Variants in ATPSCKMT observed in about 807,000 individuals in gnomAD.
ATPSCKMT encodes ATP synthase c subunit lysine N-methyltransferase.
ATPSCKMT carries 24 observed loss-of-function variants against 24.3 expected under a neutral mutation model. The ratio of observed to expected loss-of-function variants is 0.99; its 90% CI spans 0.71 to 1.39. The LOEUF (loss-of-function observed/expected upper bound fraction) is 1.39. Ranked by LOEUF, ATPSCKMT falls within the 40% of genes most tolerant of loss-of-function variation. ATPSCKMT has a pLI of 0.00. For synonymous variants in ATPSCKMT, 95 were observed against 110.5 expected (o/e 0.86, Z 0.88); for missense variants, 311 against 298.4 (o/e 1.04, Z -0.31).
intron 4 of ATPSCKMT, among the ~76,000 whole-genome samples, chr5:10,234,300 C>T (rs1363323046): frequency 6.6e-6 from 1 of 152,016 alleles, no homozygotes; most frequent in Non-Finnish European, 1.5e-5. Context: ...TGCACTCCAG[C>T]CTGGGCAACA....
chr5:10,229,907 G>C (rs145698457), intron 4 of ATPSCKMT, among the ~76,000 whole-genome samples: 1 of 152,200 alleles, frequency 6.6e-6, no homozygotes, highest in Non-Finnish European at 1.5e-5. Flanking sequence ...AATACTGTGA[G>C]CACTCCTTAC....
intron 1 of ATPSCKMT, 190 bp downstream of exon 1, chr5:10,249,668 C>T: frequency 2.2e-6 from 2 of 891,098 alleles, no homozygotes; most frequent in Non-Finnish European, 3.3e-6. Context: ...CGACAAGGAT[C>T]GCCAGAACCG....
chr5:10,225,896 A>G lies in ATPSCKMT; in HGVS notation c.*1545T>C, dbSNP rs1743857137. The stretch of plus-strand genomic sequence containing the variant: ...TGGATCCCCCTCCGAGTGTGCCCAG[A>G]CCAGTTACAGGACTGGTTACAGTGG... On this transcript the variant is annotated 3_prime_UTR_variant, in exon 5 of 5. Transcript: ENST00000511437. Among the ~76,000 whole-genome samples, 3 of 152,138 alleles carry G rather than the reference A, an allele frequency of 2.0e-5. No homozygotes were observed. Among genetic ancestry groups the G allele is most frequent in the Admixed American group, 1.3e-4 (2 of 15,272 alleles).
intron 3 of ATPSCKMT, 52 bp from the exon 4 acceptor site, chr5:10,235,313 G>A (rs1744327230): frequency 1.3e-6 from 2 of 1,503,974 alleles, no homozygotes; most frequent in African/African-American, 1.4e-5. Flanking sequence ...AGCCAAACGT[G>A]AAGCTTAACT....
rs375109728 is a variant in ATPSCKMT, at chr5:10,239,116, C to A, written c.257G>T (p.Arg86Leu). 2 of 1,614,194 alleles carry A rather than the reference C, an allele frequency of 1.2e-6. No homozygotes were observed. Among genetic ancestry groups the A allele is most frequent in the South Asian group, 1.1e-5 (1 of 91,090 alleles). ...GTCCACAAGGGATCCTCTTCGGCATCGCAACATTTTCACAACATTTTCAAT... is the reference window on the plus strand; with the variant it reads ...GTCCACAAGGGATCCTCTTCGGCATAGCAACATTTTCACAACATTTTCAAT... Reference protein sequence around the residue: ...KQIENVVKMLRCRRGSLVDIG... With the variant: ...KQIENVVKMLLCRRGSLVDIG... Residue 86 changes from arginine to leucine, a missense_variant, in exon 2 of 5, where the codon CGA becomes CTA. Transcript: ENST00000511437.
rs1743848974 is a variant in ATPSCKMT, at chr5:10,225,710, C to T, written c.*1731G>A. On this transcript the variant is annotated 3_prime_UTR_variant, in exon 5 of 5. Coordinates refer to ENST00000511437, the MANE Select transcript of ATPSCKMT (RefSeq NM_199133.4). ...TCAATCACCTCCCACCAGGTCCTTCCCACAACACGTGGGAATTCAAGATGA... is the reference window on the plus strand; with the variant it reads ...TCAATCACCTCCCACCAGGTCCTTCTCACAACACGTGGGAATTCAAGATGA... 6.6e-6 allele frequency among the ~76,000 whole-genome samples: 1 copy of T among 152,116 alleles called. No homozygotes were observed. Among genetic ancestry groups the T allele is most frequent in the Admixed American group, 6.6e-5 (1 of 15,256 alleles).
chr5:10,225,632 T>C lies in ATPSCKMT; in HGVS notation c.*1809A>G, dbSNP rs6864593. 0.4 allele frequency among the ~76,000 whole-genome samples: 60,661 copies of C among 151,806 alleles called. 13,226 individuals are homozygous for C. The highest frequency in any genetic ancestry group is 0.49 in the Non-Finnish European group (33,224 of 67,926). On this transcript the variant is annotated 3_prime_UTR_variant, in exon 5 of 5. Transcript: ENST00000511437. ...CCCCTAAAATAACCATCAGATCTCA[T>C]TAAACTTACTCACTATCATGAGAAC...
At chr5:10,248,894 G>C (rs1166862196) in intron 1 of ATPSCKMT, among the ~76,000 whole-genome samples, 2 of 152,144 alleles carry the variant, frequency 1.3e-5, no homozygotes, top group Non-Finnish European at 2.9e-5. Flanking sequence ...CATGATCTTG[G>C]AGGGCGGGGA....
chr5:10,229,387 T>C (rs1392403771), intron 4 of ATPSCKMT, among the ~76,000 whole-genome samples: 1 of 152,186 alleles, frequency 6.6e-6, no homozygotes, highest in Non-Finnish European at 1.5e-5. Context: ...TGTGTGGTCT[T>C]TGGCAACACC....
At chr5:10,240,182 C>T (rs1374597154) in intron 1 of ATPSCKMT, among the ~76,000 whole-genome samples, 3 of 150,926 alleles carry the variant, frequency 2.0e-5, no homozygotes, top group South Asian at 2.1e-4. Flanking sequence ...GACAGTGAGC[C>T]GAGATCGCAC....
chr5:10,245,751 A>G (rs1744889682), intron 1 of ATPSCKMT, among the ~76,000 whole-genome samples: 2 of 152,124 alleles, frequency 1.3e-5, no homozygotes, highest in South Asian at 2.1e-4. Context: ...CATTACAAAA[A>G]AAAAAAAAAA....
chr5:10,249,814 C>G (rs757530972), intron 1 of ATPSCKMT, 44 bp downstream of exon 1: 16 of 1,546,964 alleles, frequency 1.0e-5, no homozygotes, highest in Non-Finnish European at 1.4e-5. Flanking sequence ...CGCCCGCACC[C>G]CTTCTCATGC....
intron 4 of ATPSCKMT, among the ~76,000 whole-genome samples, chr5:10,232,306 G>A (rs181251278): frequency 6.6e-6 from 1 of 152,316 alleles, no homozygotes; most frequent in African/African-American, 2.4e-5. Context: ...ATAAATAATG[G>A]GTATATTTAG....
chr5:10,239,935 C>CA (rs1217807606), intron 1 of ATPSCKMT, among the ~76,000 whole-genome samples: 4 of 151,904 alleles, frequency 2.6e-5, no homozygotes, highest in Non-Finnish European at 4.4e-5. Context: ...CCAAAAAGAA[C>CA]AAAAAATAAG....
At chr5:10,229,290 T>C (rs1272971949) in intron 4 of ATPSCKMT, among the ~76,000 whole-genome samples, 1 of 152,220 alleles carries the variant, frequency 6.6e-6, no homozygotes, top group Non-Finnish European at 1.5e-5. Flanking sequence ...AGTCTTTCTT[T>C]GGTTTTCGTG....
At position 10,227,614 on chromosome 5, in the gene ATPSCKMT, G is replaced by A. The variant is rs368075552; in HGVS notation, c.529C>T (p.Leu177Phe). 4.3e-6 allele frequency: 7 copies of A among 1,614,074 alleles called. No individual in the cohort carries two copies. Among genetic ancestry groups the A allele is most frequent in the Non-Finnish European group, 5.9e-6 (7 of 1,180,052 alleles). Residue 177 changes from leucine (L) to phenylalanine (F), a missense_variant, in exon 5 of 5, where the codon CTT becomes TTT. Coordinates refer to ENST00000511437, the MANE Select transcript of ATPSCKMT (RefSeq NM_199133.4). ...GCAATAACTCGTGCATCATCCTCAA[G>A]TTCACGTTCAAGTTTCTTCTCCAAC... ...LQLEKKLERE[L>F]EDDARVIACR...
Position 10,239,356 on chromosome 5 carries a change from C to A in ATPSCKMT, c.17G>T (p.Gly6Val). 4 of 1,604,912 alleles carry A rather than the reference C, an allele frequency of 2.5e-6. No homozygotes were observed. Among genetic ancestry groups the A allele is most frequent in the Non-Finnish European group, 3.4e-6 (4 of 1,174,372 alleles). MEGGG[G>V]IPLETLKEES... ...TTCTTTAAGTGTTTCTAGGGGTATA[C>A]CTAGATTGAAAGCAAGCAGAAGAGA... Residue 6 changes from glycine (G) to valine (V), a missense_variant and splice_region_variant, in exon 2 of 5, where the codon GGT becomes GTT. By Grantham distance (109) the Gly-to-Val change is moderately radical (BLOSUM62 -3). Transcript: ENST00000511437.
intron 2 of ATPSCKMT, among the ~76,000 whole-genome samples, chr5:10,237,589 A>G (rs184221583): frequency 2.7e-4 from 41 of 152,180 alleles, no homozygotes; most frequent in Admixed American, 2.0e-3. Context: ...GCCTGCCACC[A>G]TCAATGTAAG....
Position 10,249,753 on chromosome 5 carries a change from C to A in ATPSCKMT, c.16+105G>T, listed in dbSNP as rs1250864985. ...TGGAGGCCAGAGCAGCCGCCCGCAC[C>A]CGGTCACCGCCTCGACAGTGGAGAC... On this transcript the variant is annotated intron_variant, in intron 1 of 4. Transcript: ENST00000511437. The A allele has an allele frequency of 2.0e-6, 3 of 1,467,902 alleles. No individual in the cohort carries two copies. In the Admixed American group the frequency reaches 7.3e-5, roughly 36 times the overall value. 90.9% of individuals were successfully genotyped at this position (1,467,902 alleles called of 1,614,324 possible). A position where few individuals can be genotyped will look rare whatever the true frequency, so the allele number is the denominator to read the frequency against.
Sources: gnomAD v4.1 joint callset for allele counts (sites outside exome capture counted in the v4.1 genomes callset) on GRCh38, gnomAD v4.1.1 for gene constraint, MANE v1.5 for transcripts, NCBI Gene and HGNC (gene_info 2026-07-23, HGNC 2026-07-21) for gene names.